The following GIT2 variants were observed in gnomAD, a reference collection of about 807,000 sequenced individuals.
GIT2 encodes ARF GTPase-activating protein GIT2.
A neutral mutation model predicts 100.3 loss-of-function variants in GIT2; 32 were observed. The observed-to-expected ratio is 0.32, with a 90% CI of 0.24 to 0.43. The LOEUF is 0.43. GIT2 is among the 20% of genes least tolerant of loss of function. GIT2 has a pLI of 1.00. For synonymous variants in GIT2, 353 were observed against 364.1 expected (o/e 0.97, Z 0.35); for missense variants, 737 against 975.1 (o/e 0.76, Z 3.25).
chr12:109,992,139 A>AC (rs202018708), intron 1 of GIT2: 2,683 of 134,070 alleles, frequency 0.02, 50 homozygotes, highest in East Asian at 0.042. Context: ...TCAAGATAAT[A>AC]CTTTTTTTTT....
chr12:109,941,301 T>C (rs1273597485), intron 16 of GIT2, among the ~76,000 whole-genome samples: 3 of 152,204 alleles, frequency 2.0e-5, no homozygotes, highest in African/African-American at 7.2e-5. Flanking sequence ...TCGACAACTT[T>C]GATGATCCCT....
intron 7 of GIT2, among the ~76,000 whole-genome samples, chr12:109,971,656 C>T (rs1883900092): frequency 6.6e-6 from 1 of 151,444 alleles, no homozygotes; most frequent in Non-Finnish European, 1.5e-5. Context: ...TATTGCTTTT[C>T]TAGATTCAGT....
At chr12:109,952,621 C>CA in intron 13 of GIT2, 1 of 519,718 alleles carries the variant, frequency 1.9e-6, no homozygotes, top group Non-Finnish European at 3.8e-6. Flanking sequence ...CCACATGCCC[C>CA]AATCCCAAGC....
chr12:109,954,905 A>T (rs542178335), intron 12 of GIT2, among the ~76,000 whole-genome samples: 28 of 151,848 alleles, frequency 1.8e-4, no homozygotes, highest in African/African-American at 5.1e-4. Flanking sequence ...TCAAAAAAAA[A>T]AAAAATAATA....
intron 7 of GIT2, among the ~76,000 whole-genome samples, chr12:109,979,968 G>A (rs1885977562): frequency 6.6e-6 from 1 of 152,232 alleles, no homozygotes; most frequent in African/African-American, 2.4e-5. Context: ...CATCTGGCCT[G>A]TTGCAACGAC....
chr12:109,967,747 G>A (rs1027733012), intron 7 of GIT2, among the ~76,000 whole-genome samples: 10 of 152,160 alleles, frequency 6.6e-5, no homozygotes, highest in African/African-American at 1.2e-4. Flanking sequence ...CCCCAATCAC[G>A]ACGATTAGTT....
chr12:109,976,323 C>T (rs1048373370), intron 7 of GIT2, among the ~76,000 whole-genome samples: 4 of 140,684 alleles, frequency 2.8e-5, no homozygotes, highest in African/African-American at 5.5e-5. Flanking sequence ...CTCACTCTGT[C>T]GCCCAGGTTG....
Position 109,948,604 on chromosome 12 carries a change from G to C in GIT2, c.1393-1100C>G. The C allele has an allele frequency of 1.4e-6, 2 of 1,409,116 alleles. No homozygotes were observed. Among genetic ancestry groups the C allele is most frequent in the Non-Finnish European group, 1.8e-6 (2 of 1,089,512 alleles). The allele number at this position is 1,409,116 out of a possible 1,614,324, so 87.3% of individuals were successfully genotyped here. A position where few individuals can be genotyped will look rare whatever the true frequency, so the allele number is the denominator to read the frequency against. ...TCTTCCATGGACATTCTATAAGCTG[G>C]GTGTGGTGTGAGTTCAGCTGTCTAC... On this transcript the variant is annotated intron_variant, in intron 14 of 19. Transcript: ENST00000355312. This position sits in a 1 kb window ranked among gnomAD's most constrained non-coding sequence, Gnocchi z 4.3.
At chr12:109,968,285 T>G (rs1156237080) in intron 7 of GIT2, among the ~76,000 whole-genome samples, 1 of 152,224 alleles carries the variant, frequency 6.6e-6, no homozygotes, top group Non-Finnish European at 1.5e-5. Flanking sequence ...ATAGGTATGC[T>G]GTGGCATCTC....
At chr12:109,977,774 A>T (rs1465009727) in intron 7 of GIT2, among the ~76,000 whole-genome samples, 1 of 151,910 alleles carries the variant, frequency 6.6e-6, no homozygotes, top group Non-Finnish European at 1.5e-5. Context: ...GTGAGCCAAG[A>T]TTGCACCACT....
upstream of GIT2, among the ~76,000 whole-genome samples, chr12:109,996,793 C>G (rs1889495683): frequency 6.6e-6 from 1 of 152,130 alleles, no homozygotes; most frequent in African/African-American, 2.4e-5. Flanking sequence ...TTATATGATT[C>G]CAGGCTGGGC....
rs564806437 is a variant in GIT2, at chr12:109,996,330, G to T, written c.-106C>A. Reference sequence around the variant, plus strand: ...GGGTCCCAGCTGCGGCGGCGCTGACGGCGGCGCCTCTCCCCTCAGCGCCTT... The same window carrying T: ...GGGTCCCAGCTGCGGCGGCGCTGACTGCGGCGCCTCTCCCCTCAGCGCCTT... On this transcript the variant is annotated 5_prime_UTR_variant, in exon 1 of 20. Transcript: ENST00000355312. 2 of 754,138 alleles carry T rather than the reference G, an allele frequency of 2.7e-6. No individual in the cohort carries two copies. Among genetic ancestry groups the T allele is most frequent in the African/African-American group, 1.9e-5 (1 of 53,998 alleles). 46.7% of individuals were successfully genotyped at this position (754,138 alleles called of 1,614,324 possible).
In GIT2 at chr12:109,930,191, A is replaced by G. The variant is rs940965833; in HGVS notation, c.*2787T>C. The G allele has an allele frequency of 1.3e-5, 2 of 152,588 alleles. No individual in the cohort carries two copies. Among genetic ancestry groups the G allele is most frequent in the Non-Finnish European group, 1.5e-5 (1 of 68,030 alleles). The allele number at this position is 152,588 out of a possible 1,614,324, so 9.5% of individuals were successfully genotyped here. A position where few individuals can be genotyped will look rare whatever the true frequency, so the allele number is the denominator to read the frequency against. ...ATGCTGTGTTTGATCTTTGGGCCCA[A>G]TTCACTGTTCTTTGGCAAATAAGAA... is the stretch of plus-strand genomic sequence containing the variant. On this transcript the variant is annotated 3_prime_UTR_variant, in exon 20 of 20. Coordinates refer to ENST00000355312, the MANE Select transcript of GIT2 (RefSeq NM_057169.5).
At chr12:109,959,986 T>C in intron 11 of GIT2, 28 bp from the exon 12 acceptor site, 1 of 1,443,790 alleles carries the variant, frequency 6.9e-7, no homozygotes, top group Non-Finnish European at 9.7e-7. Context: ...ATTGGAAATA[T>C]TTCCCAGTGT....
intron 7 of GIT2, among the ~76,000 whole-genome samples, chr12:109,972,015 A>G (rs972185237): frequency 6.6e-6 from 1 of 150,604 alleles, no homozygotes; most frequent in Non-Finnish European, 1.5e-5. Context: ...AAAAAAATAT[A>G]TATATATATA....
chr12:109,977,918 G>A (rs967623693), intron 7 of GIT2, among the ~76,000 whole-genome samples: 1 of 152,042 alleles, frequency 6.6e-6, no homozygotes, highest in African/African-American at 2.4e-5. Context: ...TATATGTTAT[G>A]TGTCACTTTT....
At position 109,938,474 on chromosome 12, in the gene GIT2, G is replaced by A. The variant is rs1565933571; in HGVS notation, c.1909C>T (p.Leu637Phe). 1 of 1,613,740 alleles carries A rather than the reference G, an allele frequency of 6.2e-7. No homozygotes were observed. Among genetic ancestry groups the A allele is most frequent in the East Asian group, 2.2e-5 (1 of 44,882 alleles). ...AEPHVAPSPT[L>F]PSTEDVIRKT... is the part of the protein sequence containing the mutation. The stretch of plus-strand genomic sequence containing the variant: ...CTGATGACATCTTCGGTGCTAGGGA[G>A]AGTGGGGCTTGGGGCCACATGGGGT... The change falls in exon 18 of 20, where the codon CTC becomes TTC. Residue 637 changes from leucine (L) to phenylalanine (F), a missense_variant. By Grantham distance (22) the Leu-to-Phe change is conservative. Around this residue, in one of 3 missense-constraint regions of GIT2, gnomAD observed 451 missense variants for 543.7 expected, o/e 0.83. Coordinates refer to ENST00000355312, the MANE Select transcript of GIT2 (RefSeq NM_057169.5).
rs947683156 is a variant in GIT2, at chr12:109,933,579, C to T, written c.2068-389G>A. 2.7e-5 allele frequency: 6 copies of T among 221,426 alleles called. No individual in the cohort carries two copies. The highest frequency in any genetic ancestry group is 1.0e-4 in the Admixed American group (2 of 19,326). 13.7% of individuals were successfully genotyped at this position (221,426 alleles called of 1,614,324 possible). On this transcript the variant is annotated intron_variant, in intron 19 of 19. Coordinates refer to ENST00000355312, the MANE Select transcript of GIT2 (RefSeq NM_057169.5). This position sits in a 1 kb window ranked among gnomAD's most constrained non-coding sequence, Gnocchi z 4.5. ...TGCAGAACAAAAATATTTCAAAGCT[C>T]TATACGACTGCATATTTTATTTTAT...
chr12:109,966,030 C>A (rs1269093740), intron 8 of GIT2, among the ~76,000 whole-genome samples: 1 of 140,810 alleles, frequency 7.1e-6, no homozygotes, highest in African/African-American at 2.6e-5. Context: ...GAGTCTCACT[C>A]TGTCACCCAG....
Sources: allele counts gnomAD v4.1 joint callset (sites outside exome capture counted in the v4.1 genomes callset), GRCh38; gene constraint gnomAD v4.1.1; regional missense constraint gnomAD v4.1.1; non-coding constraint Gnocchi (gnomAD v3.1); transcripts MANE v1.5; gene names NCBI Gene and HGNC (gene_info 2026-07-23, HGNC 2026-07-21).